The following SASH1 variants were observed in gnomAD, a reference collection of about 807,000 sequenced individuals.
SASH1 encodes the protein SAM and SH3 domain containing 1, also known as SAM and SH3 domain-containing protein 1.
A neutral mutation model predicts 125.2 loss-of-function variants in SASH1; 44 were observed. The observed-to-expected ratio is 0.35, with a 90% CI of 0.28 to 0.45. The LOEUF is 0.45. Among genes scored for constraint, SASH1 ranks in the 20% least tolerant of loss-of-function variants. The pLI, the probability that SASH1 is intolerant of heterozygous loss-of-function variation, is 1.00. For synonymous variants in SASH1, 639 were observed against 649.1 expected (o/e 0.98, Z 0.24); for missense variants, 1,426 against 1,614.5 (o/e 0.88, Z 2.00).
At chr6:148,232,736 A>G in the SASH1 span, among the ~76,000 whole-genome samples, 1 of 152,208 alleles carries the variant, frequency 6.6e-6, no homozygotes, top group African/African-American at 2.4e-5. Flanking sequence ...TTTTCATCCT[A>G]CAACCCCACT....
chr6:148,323,892 C>T (rs182775406), intron 1 of SASH1, among the ~76,000 whole-genome samples: 60 of 151,816 alleles, frequency 4.0e-4, no homozygotes, highest in African/African-American at 1.2e-3. Flanking sequence ...TTTGGGAGGC[C>T]GAGGCAGGAG....
At chr6:148,261,292 C>T in the SASH1 span, among the ~76,000 whole-genome samples, 2 of 152,126 alleles carry the variant, frequency 1.3e-5, no homozygotes, top group African/African-American at 4.8e-5. Flanking sequence ...CTGTACCACC[C>T]AAGCTTCCTG....
intron 1 of SASH1, among the ~76,000 whole-genome samples, chr6:148,292,593 A>C (rs1404306570): frequency 2.0e-5 from 3 of 152,150 alleles, no homozygotes; most frequent in Non-Finnish European, 2.9e-5. Context: ...TGTTACTTAA[A>C]CACCGACTTT....
chr6:148,367,676 G>A lies in SASH1; in HGVS notation c.157-22458G>A, dbSNP rs570005378. The stretch of plus-strand genomic sequence containing the variant: ...CTGGCCTATGCTTCCTAGTCTGTGA[G>A]TTACAAGTCCAGGTCTTCTGCCCCA... On this transcript the variant is annotated intron_variant, in intron 1 of 19. Transcript: ENST00000367467. Among the ~76,000 whole-genome samples the A allele has an allele frequency of 4.3e-4, 65 of 152,364 alleles. 1 individual carries two copies. The highest frequency in any genetic ancestry group is 1.4e-3 in the African/African-American group (59 of 41,590).
At chr6:148,384,556 G>A (rs1488566274) in intron 1 of SASH1, among the ~76,000 whole-genome samples, 5 of 152,094 alleles carry the variant, frequency 3.3e-5, no homozygotes, top group African/African-American at 9.7e-5. Context: ...AAAGATGGCA[G>A]CATGCGATCC....
the SASH1 span, among the ~76,000 whole-genome samples, chr6:148,230,024 A>T: frequency 6.6e-6 from 1 of 152,006 alleles, no homozygotes; most frequent in Non-Finnish European, 1.5e-5. Flanking sequence ...CACTTTTATC[A>T]TCTATAAAAA....
At chr6:148,492,653 A>G (rs1047607057) in intron 8 of SASH1, among the ~76,000 whole-genome samples, 1 of 151,992 alleles carries the variant, frequency 6.6e-6, no homozygotes, top group African/African-American at 2.4e-5. Context: ...CCCGGTCTCT[A>G]CAAAAATACA....
At chr6:148,399,099 C>A (rs890172933) in intron 2 of SASH1, among the ~76,000 whole-genome samples, 1 of 149,836 alleles carries the variant, frequency 6.7e-6, no homozygotes, top group Non-Finnish European at 1.5e-5. Context: ...CACTAGACAC[C>A]TTTGCAGACT....
chr6:148,326,368 A>C (rs9403940), intron 1 of SASH1, among the ~76,000 whole-genome samples: 2 of 51,954 alleles, frequency 3.8e-5, no homozygotes, highest in African/African-American at 6.5e-5. Flanking sequence ...GCATATATAT[A>C]TATATACATT....
intron 8 of SASH1, among the ~76,000 whole-genome samples, chr6:148,504,926 C>G (rs541630371): frequency 1.6e-4 from 24 of 152,288 alleles, no homozygotes; most frequent in African/African-American, 5.5e-4. Context: ...AGGACACTCT[C>G]CAAGTCCTGT....
chr6:148,238,075 G>A, the SASH1 span, among the ~76,000 whole-genome samples: 1 of 151,980 alleles, frequency 6.6e-6, no homozygotes, highest in Non-Finnish European at 1.5e-5. Context: ...ATGACCTTAC[G>A]GCTTGTTACT....
At chr6:148,455,405 T>C (rs1272375735) in intron 4 of SASH1, among the ~76,000 whole-genome samples, 1 of 152,160 alleles carries the variant, frequency 6.6e-6, no homozygotes, top group African/African-American at 2.4e-5. Context: ...TAGAGGTCAT[T>C]TCATCGTCAC....
chr6:148,256,727 A>G, the SASH1 span, among the ~76,000 whole-genome samples: 4 of 152,216 alleles, frequency 2.6e-5, no homozygotes, highest in African/African-American at 7.2e-5. Flanking sequence ...GGGAATGGTT[A>G]GAGTGATTCT....
the SASH1 span, among the ~76,000 whole-genome samples, chr6:148,245,169 C>G: frequency 6.6e-6 from 1 of 152,174 alleles, no homozygotes; most frequent in East Asian, 1.9e-4. Context: ...AACTTCCTCT[C>G]TGCTTATGAA....
chr6:148,204,282 A>G, the SASH1 span, among the ~76,000 whole-genome samples: 1 of 152,230 alleles, frequency 6.6e-6, no homozygotes, highest in Non-Finnish European at 1.5e-5. Context: ...ACTGTATAGA[A>G]ACCACCACAA....
intron 2 of SASH1, among the ~76,000 whole-genome samples, chr6:148,417,582 A>AAAATAAATAAATAAATAAAT (rs61198279): frequency 0.1 from 15,196 of 147,538 alleles, 999 homozygotes; most frequent in Admixed American, 0.18. Flanking sequence ...GGACTCTGTC[A>AAAATAAATAAATAAATAAAT]AAATAAATAA....
upstream of SASH1, among the ~76,000 whole-genome samples, chr6:148,268,863 T>C (rs1051378047): frequency 4.6e-5 from 7 of 152,330 alleles, no homozygotes; most frequent in African/African-American, 7.2e-5. Flanking sequence ...ATTTCCTTTA[T>C]AATGGCTTCA....
At chr6:148,362,886 A>G (rs1023098947) in intron 1 of SASH1, among the ~76,000 whole-genome samples, 1 of 152,182 alleles carries the variant, frequency 6.6e-6, no homozygotes, top group Non-Finnish European at 1.5e-5. Context: ...GAATTGAGTT[A>G]AAGTTTCCTA....
intron 11 of SASH1, among the ~76,000 whole-genome samples, chr6:148,526,691 G>T (rs1781180831): frequency 6.6e-6 from 1 of 152,050 alleles, no homozygotes; most frequent in Non-Finnish European, 1.5e-5. Flanking sequence ...AGCTCTTTAA[G>T]AGAGAGAAAT....
Sources: gnomAD v4.1 joint callset for allele counts (sites outside exome capture counted in the v4.1 genomes callset) on GRCh38, gnomAD v4.1.1 for gene constraint, MANE v1.5 for transcripts, NCBI Gene and HGNC (gene_info 2026-07-23, HGNC 2026-07-21) for gene names.